ZFPM2: variants seen among roughly 807,000 people sequenced by gnomAD.
The protein encoded by ZFPM2 is zinc finger protein ZFPM2.
In ZFPM2, 20 loss-of-function variants were observed where a neutral mutation model predicts 98.6. That is an observed-to-expected ratio of 0.20 (90% CI 0.14 to 0.29). The LOEUF (loss-of-function observed/expected upper bound fraction) is 0.29. ZFPM2 is among the 10% of genes least tolerant of loss of function. ZFPM2 has a pLI of 1.00. For missense variants in ZFPM2, 1,310 were observed against 1,388.6 expected (o/e 0.94, Z 0.90); for synonymous variants, 518 against 502.7 (o/e 1.03, Z -0.41).
chr8:105,560,692 C>T (rs1815116204), intron 3 of ZFPM2, among the ~76,000 whole-genome samples: 1 of 151,110 alleles, frequency 6.6e-6, no homozygotes, highest in Non-Finnish European at 1.5e-5. Context: ...TGTATACTGT[C>T]TTTACTTCCT....
At chr8:105,323,944 G>T (rs553700060) in intron 1 of ZFPM2, among the ~76,000 whole-genome samples, 1 of 151,880 alleles carries the variant, frequency 6.6e-6, no homozygotes, top group Admixed American at 6.6e-5. Flanking sequence ...GAGTAAGAGG[G>T]ACTATCAAGT....
chr8:105,553,805 C>T (rs898226896), intron 3 of ZFPM2, among the ~76,000 whole-genome samples: 2 of 152,152 alleles, frequency 1.3e-5, no homozygotes, highest in Non-Finnish European at 2.9e-5. Flanking sequence ...TCAAGTATCT[C>T]ATTTTTTCTT....
At chr8:105,694,959 A>G (rs1810980270) in intron 5 of ZFPM2, among the ~76,000 whole-genome samples, 1 of 152,140 alleles carries the variant, frequency 6.6e-6, no homozygotes, top group Non-Finnish European at 1.5e-5. Context: ...TGACTCAAAT[A>G]TATTATGTCT....
intron 3 of ZFPM2, among the ~76,000 whole-genome samples, chr8:105,458,176 G>T (rs141566995): frequency 6.6e-6 from 1 of 152,098 alleles, no homozygotes; most frequent in Admixed American, 6.5e-5. Flanking sequence ...CCCATAGGCC[G>T]TATATTAGGT....
chr8:105,494,946 C>T (rs1178965492), intron 3 of ZFPM2, among the ~76,000 whole-genome samples: 2 of 152,124 alleles, frequency 1.3e-5, no homozygotes, highest in African/African-American at 4.8e-5. Context: ...TATTTGTGGA[C>T]ATAGAAATTT....
rs186085230 is a variant in ZFPM2 at position 105,735,826 on chromosome 8, C to G, written c.533-52892C>G. 5.3e-5 allele frequency among the ~76,000 whole-genome samples: 8 copies of G among 152,004 alleles called. No individual in the cohort carries two copies. The East Asian group carries it at 1.6e-3, about 30-fold the overall frequency. ...ATTATTTGATTCCAAACTGTATTTT[C>G]TCAGATATGTGTACTCAGTAGGTCA... On this transcript the variant is annotated intron_variant, in intron 5 of 7. Coordinates refer to ENST00000407775, the MANE Select transcript of ZFPM2 (RefSeq NM_012082.4).
At position 105,745,270 on chromosome 8, in the gene ZFPM2, T is replaced by C. The variant is rs537671061; in HGVS notation, c.533-43448T>C. 7.9e-5 allele frequency among the ~76,000 whole-genome samples: 12 copies of C among 152,246 alleles called. No homozygotes were observed. In the East Asian group the frequency reaches 2.3e-3, roughly 30 times the overall value. ...AGTTTAGCACTTCTCAATAAATGTTTGTTGAATTGAATTGTCTTAAATGTT... is the reference window on the plus strand; with the variant it reads ...AGTTTAGCACTTCTCAATAAATGTTCGTTGAATTGAATTGTCTTAAATGTT... On this transcript the variant is annotated intron_variant, in intron 5 of 7. Transcript: ENST00000407775.
At chr8:105,688,606 A>T (rs13270687) in intron 5 of ZFPM2, among the ~76,000 whole-genome samples, 27,086 of 152,004 alleles carry the variant, frequency 0.18, 2,572 homozygotes, top group Middle Eastern at 0.25. Flanking sequence ...CTATTCATAG[A>T]TTTTTTTGTT....
intron 5 of ZFPM2, among the ~76,000 whole-genome samples, chr8:105,723,806 C>G (rs1025719074): frequency 1.3e-5 from 2 of 151,782 alleles, no homozygotes; most frequent in Non-Finnish European, 2.9e-5. Context: ...GCTTGCTTTT[C>G]TTTCTTACTA....
intron 5 of ZFPM2, among the ~76,000 whole-genome samples, chr8:105,683,571 A>G (rs916727264): frequency 6.6e-6 from 1 of 152,092 alleles, no homozygotes; most frequent in Non-Finnish European, 1.5e-5. Flanking sequence ...ACACACCCAG[A>G]CAATCTTCCC....
At chr8:105,436,339 G>A (rs1812118500) in intron 2 of ZFPM2, among the ~76,000 whole-genome samples, 1 of 151,934 alleles carries the variant, frequency 6.6e-6, no homozygotes. Flanking sequence ...GACCAACATG[G>A]AGAAACCCTG....
chr8:105,793,001 C>G (rs1191997449), intron 6 of ZFPM2, among the ~76,000 whole-genome samples: 24 of 152,240 alleles, frequency 1.6e-4, no homozygotes. Flanking sequence ...GATGGGTTTC[C>G]TGAATACAAC....
chr8:105,613,870 A>G (rs1310962998), intron 4 of ZFPM2, among the ~76,000 whole-genome samples: 1 of 152,216 alleles, frequency 6.6e-6, no homozygotes, highest in East Asian at 1.9e-4. Context: ...AATGGAAGGT[A>G]CATGAGAAGT....
chr8:105,425,840 A>C (rs1249466605), intron 2 of ZFPM2, among the ~76,000 whole-genome samples: 4 of 152,220 alleles, frequency 2.6e-5, no homozygotes, highest in Non-Finnish European at 5.9e-5. Context: ...AATAACGAAA[A>C]GAATGCTTTT....
At chr8:105,694,050 G>GT (rs143949761) in intron 5 of ZFPM2, among the ~76,000 whole-genome samples, 4,841 of 144,418 alleles carry the variant, frequency 0.034, 287 homozygotes, top group African/African-American at 0.12. Flanking sequence ...GCAGTGGTGC[G>GT]ATCTCGGCTC....
intron 5 of ZFPM2, among the ~76,000 whole-genome samples, chr8:105,649,160 C>T (rs1208145978): frequency 6.6e-6 from 1 of 152,156 alleles, no homozygotes; most frequent in Non-Finnish European, 1.5e-5. Context: ...GGAGTTCACT[C>T]ATGATTCGGC....
intron 3 of ZFPM2, among the ~76,000 whole-genome samples, chr8:105,445,023 A>T (rs544371458): frequency 3.1e-4 from 47 of 152,336 alleles, no homozygotes; most frequent in Admixed American, 2.7e-3. Flanking sequence ...GTAATTTACA[A>T]TTGATAGTAT....
intron 5 of ZFPM2, among the ~76,000 whole-genome samples, chr8:105,739,283 C>A (rs779969777): frequency 2.6e-5 from 4 of 152,024 alleles, no homozygotes; most frequent in African/African-American, 9.7e-5. Flanking sequence ...TGGCCTTTAG[C>A]ATGGTAACGG....
chr8:105,723,545 A>G (rs1421516522), intron 5 of ZFPM2, among the ~76,000 whole-genome samples: 1 of 151,720 alleles, frequency 6.6e-6, no homozygotes, highest in Non-Finnish European at 1.5e-5. Flanking sequence ...TAAAAGGCAG[A>G]CTCTTATACT....
Sources: allele counts gnomAD v4.1 joint callset (sites outside exome capture counted in the v4.1 genomes callset), GRCh38; gene constraint gnomAD v4.1.1; transcripts MANE v1.5; gene names NCBI Gene and HGNC (gene_info 2026-07-23, HGNC 2026-07-21).